Variants in EDIL3 observed in about 807,000 individuals in gnomAD.
EDIL3 encodes EGF-like repeat and discoidin I-like domain-containing protein 3.
In EDIL3, 37 loss-of-function variants were observed where a neutral mutation model predicts 67.4. The ratio of observed to expected loss-of-function variants is 0.55; its 90% confidence interval spans 0.42 to 0.72. The LOEUF is 0.72. Ranked by LOEUF, EDIL3 falls within the 30% of genes least tolerant of loss-of-function variation. The pLI, the probability that EDIL3 is intolerant of heterozygous loss-of-function variation, is 0.00. For missense variants in EDIL3, 527 were observed against 586.3 expected (o/e 0.90, Z 1.04); for synonymous variants, 195 against 196.3 (o/e 0.99, Z 0.05).
At chr5:83,958,041 T>G (rs2112124260) in intron 10 of EDIL3, among the ~76,000 whole-genome samples, 1 of 151,802 alleles carries the variant, frequency 6.6e-6, no homozygotes, top group South Asian at 2.1e-4. Flanking sequence ...ATTGGCAAAC[T>G]TATTAAAATT....
chr5:84,165,872 C>A (rs1748694718), intron 4 of EDIL3, among the ~76,000 whole-genome samples: 1 of 152,118 alleles, frequency 6.6e-6, no homozygotes, highest in Non-Finnish European at 1.5e-5. Context: ...TGTATTAAAA[C>A]ATGTATATGT....
chr5:84,014,537 T>C (rs1402714662), intron 9 of EDIL3, among the ~76,000 whole-genome samples: 1 of 151,972 alleles, frequency 6.6e-6, no homozygotes, highest in Non-Finnish European at 1.5e-5. Context: ...TCCAGCTACT[T>C]GGGAGGCTGA....
chr5:84,294,547 T>G (rs1746002560), intron 1 of EDIL3, among the ~76,000 whole-genome samples: 1 of 152,066 alleles, frequency 6.6e-6, no homozygotes, highest in Non-Finnish European at 1.5e-5. Context: ...GTCATATATA[T>G]GTGCATACAT....
chr5:84,227,885 G>A (rs1744485659), intron 3 of EDIL3, among the ~76,000 whole-genome samples: 1 of 152,018 alleles, frequency 6.6e-6, no homozygotes, highest in African/African-American at 2.4e-5. Flanking sequence ...ACACATGGAT[G>A]TAAACCTGGG....
chr5:83,968,226 A>G (rs570051164), intron 9 of EDIL3, among the ~76,000 whole-genome samples: 59 of 152,162 alleles, frequency 3.9e-4, no homozygotes, highest in African/African-American at 1.3e-3. Flanking sequence ...AATGTGATTA[A>G]TAATCTGAAA....
At chr5:84,070,128 T>A (rs1440686177) in intron 6 of EDIL3, among the ~76,000 whole-genome samples, 2 of 152,094 alleles carry the variant, frequency 1.3e-5, no homozygotes, top group Non-Finnish European at 2.9e-5. Flanking sequence ...TGGCTCCCCA[T>A]CCACCTCACT....
chr5:84,291,420 G>A (rs1745911914), intron 1 of EDIL3, among the ~76,000 whole-genome samples: 1 of 151,758 alleles, frequency 6.6e-6, no homozygotes, highest in African/African-American at 2.4e-5. Context: ...TGAAAATATA[G>A]GTATATATCC....
intron 5 of EDIL3, among the ~76,000 whole-genome samples, chr5:84,120,869 T>TA (rs529920803): frequency 7.9e-5 from 12 of 151,538 alleles, no homozygotes; most frequent in South Asian, 4.2e-4. Flanking sequence ...AAGCACTAAG[T>TA]AAAAAAAATA....
chr5:84,138,683 G>C (rs1033108456), intron 4 of EDIL3, among the ~76,000 whole-genome samples: 5 of 151,382 alleles, frequency 3.3e-5, no homozygotes, highest in African/African-American at 1.2e-4. Context: ...TTTCTAATTA[G>C]TATCCCCTCC....
intron 9 of EDIL3, among the ~76,000 whole-genome samples, chr5:84,008,135 G>C (rs1478332702): frequency 6.6e-6 from 1 of 152,092 alleles, no homozygotes; most frequent in East Asian, 1.9e-4. Flanking sequence ...GGCTGGAAAG[G>C]GTAGTAGGGG....
intron 9 of EDIL3, among the ~76,000 whole-genome samples, chr5:83,987,224 G>C (rs947609978): frequency 6.6e-6 from 1 of 152,024 alleles, no homozygotes; most frequent in African/African-American, 2.4e-5. Context: ...ATAAATTGCT[G>C]TGCAGGCTAC....
intron 4 of EDIL3, among the ~76,000 whole-genome samples, chr5:84,175,433 T>C (rs964693178): frequency 6.6e-6 from 1 of 152,178 alleles, no homozygotes; most frequent in East Asian, 1.9e-4. Context: ...AAAGTATTAG[T>C]CCATTAGGCA....
At chr5:84,378,863 G>T (rs1002443355) in intron 1 of EDIL3, among the ~76,000 whole-genome samples, 4 of 152,174 alleles carry the variant, frequency 2.6e-5, no homozygotes, top group African/African-American at 9.7e-5. Context: ...GTAGGCAGAG[G>T]TTTGACATTA....
intron 4 of EDIL3, among the ~76,000 whole-genome samples, chr5:84,141,944 T>TATATATACATAC (rs1748202905): frequency 9.7e-6 from 1 of 102,696 alleles, no homozygotes; most frequent in African/African-American, 3.9e-5. Flanking sequence ...TATATATATA[T>TATATATACATAC]ATACATAGAT....
intron 10 of EDIL3, among the ~76,000 whole-genome samples, chr5:83,947,331 A>G (rs1284833199): frequency 2.7e-5 from 4 of 149,346 alleles, no homozygotes. Context: ...GTAAAGATCC[A>G]TTTTCCTAGG....
intron 4 of EDIL3, among the ~76,000 whole-genome samples, chr5:84,165,393 T>G (rs544621733): frequency 6.6e-6 from 1 of 152,270 alleles, no homozygotes; most frequent in South Asian, 2.1e-4. Flanking sequence ...ATCTTCTACC[T>G]GTGTTTTACC....
At chr5:84,160,789 CCTTT>C (rs1748594669) in intron 4 of EDIL3, among the ~76,000 whole-genome samples, 1 of 96,330 alleles carries the variant, frequency 1.0e-5, no homozygotes, top group Admixed American at 1.3e-4. Context: ...CCTTTCCTTT[CCTTT>C]CCTTTCCTTT....
chr5:84,371,477 AAAG>A lies in EDIL3; in HGVS notation c.67+12828_67+12830del, dbSNP rs1465396088. Among the ~76,000 whole-genome samples the A allele has an allele frequency of 2.8e-5, 4 of 142,040 alleles. No individual in the cohort carries two copies. In the South Asian group the frequency reaches 6.5e-4, roughly 23 times the overall value. 93.2% of individuals were successfully genotyped at this position (142,040 alleles called of 152,430 possible). A position where few individuals can be genotyped will look rare whatever the true frequency, so the allele number is the denominator to read the frequency against. Reference sequence around the variant, plus strand: ...GAGAGAGAGAGAGAGAGAGAGAGAGAAAGAGAGAGAGAGAGAGAAAATAATTTC... The same window carrying A: ...GAGAGAGAGAGAGAGAGAGAGAGAGAAGAGAGAGAGAGAGAAAATAATTTC... On this transcript the variant is annotated intron_variant, in intron 1 of 10. Coordinates refer to ENST00000296591, the MANE Select transcript of EDIL3 (RefSeq NM_005711.5).
chr5:84,192,667 G>A (rs1443085874), intron 3 of EDIL3, among the ~76,000 whole-genome samples: 1 of 151,956 alleles, frequency 6.6e-6, no homozygotes, highest in African/African-American at 2.4e-5. Context: ...TATATTTAGA[G>A]CTTCTATTGT....
Sources: allele counts gnomAD v4.1 joint callset (sites outside exome capture counted in the v4.1 genomes callset), GRCh38; gene constraint gnomAD v4.1.1; transcripts MANE v1.5; gene names NCBI Gene and HGNC (gene_info 2026-07-23, HGNC 2026-07-21).